NOTCH1: variants seen among roughly 807,000 people sequenced by gnomAD.
NOTCH1 encodes notch receptor 1, also known as neurogenic locus notch homolog protein 1.
NOTCH1 carries 37 observed loss-of-function variants against 254.8 expected under a neutral mutation model. The observed-to-expected ratio is 0.15, with a 90% confidence interval of 0.11 to 0.19. The LOEUF (loss-of-function observed/expected upper bound fraction) is 0.19, where lower values mean the gene tolerates loss of function less well. Ranked by LOEUF, NOTCH1 falls within the 10% of genes least tolerant of loss-of-function variation. NOTCH1 has a pLI of 1.00. For missense variants in NOTCH1, 2,972 were observed against 3,708.6 expected, an observed-to-expected ratio of 0.80 and a Z score of 5.16; for synonymous variants, 1,731 against 1,618.1, an observed-to-expected ratio of 1.07 and a Z score of -1.68.
chr9:136,495,446 A>C lies in NOTCH1; in HGVS notation c.*625T>G. 1 of 399,062 alleles carries C rather than the reference A, an allele frequency of 2.5e-6. No individual in the cohort carries two copies. Among genetic ancestry groups the C allele is most frequent in the Non-Finnish European group, 4.4e-6 (1 of 226,266 alleles). The allele number at this position is 399,062 out of a possible 1,614,324, so 24.7% of individuals were successfully genotyped here. A position where few individuals can be genotyped will look rare whatever the true frequency, so the allele number is the denominator to read the frequency against. ...CAAGAAACCATCTAAAACACATGGC[A>C]ACATCTAACCCATATGCTTTCACTT... On this transcript the variant is annotated 3_prime_UTR_variant, in exon 34 of 34. Transcript: ENST00000651671.
Position 136,513,505 on chromosome 9 carries a change from C to G in NOTCH1, c.2240G>C (p.Gly747Ala), listed in dbSNP as rs1780939132. ...ATTGTTGTTGATGTCACAGTTGGTCCCACTCCACCCAGGGTCACAGTCGCA... is the reference window on the plus strand; with the variant it reads ...ATTGTTGTTGATGTCACAGTTGGTCGCACTCCACCCAGGGTCACAGTCGCA... ...YKCDCDPGWSGTNCDINNNEC... is the reference protein window; with the variant it reads ...YKCDCDPGWSATNCDINNNEC... Residue 747 changes from glycine to alanine, a missense_variant, in exon 14 of 34, where the codon GGG becomes GCG. By Grantham distance (60) the Gly-to-Ala change is moderately conservative. Transcript: ENST00000651671. This position sits in a 1 kb window ranked among gnomAD's most constrained non-coding sequence, Gnocchi z 4.7. 1.2e-6 allele frequency: 2 copies of G among 1,613,026 alleles called. No homozygotes were observed. Among genetic ancestry groups the G allele is most frequent in the African/African-American group, 1.3e-5 (1 of 74,932 alleles).
At chr9:136,514,734 C>T (rs2133361449) in intron 12 of NOTCH1, 32 bp from the exon 13 acceptor site, 1 of 1,603,610 alleles carries the variant, frequency 6.2e-7, no homozygotes, top group Non-Finnish European at 8.5e-7. Context: ...CTCCGAGGCC[C>T]AGCGCCCAGG....
rs1436539393 is a variant in NOTCH1 at position 136,496,991 on chromosome 9, C to A, written c.6748G>T (p.Ala2250Ser). ...THLGIGHLNV[A>S]AKPEMAALGG... is the part of the protein sequence containing the mutation. ...AGCGCCGCCATCTCGGGCTTGGCCG[C>A]CACGTTCAGGTGCCCGATGCCCAGG... is the stretch of plus-strand genomic sequence containing the variant. Residue 2250 changes from alanine to serine, a missense_variant, in exon 34 of 34, where the codon GCG (alanine) becomes TCG (serine). Coordinates refer to ENST00000651671, the MANE Select transcript of NOTCH1 (RefSeq NM_017617.5). 1 of 1,610,396 alleles carries A rather than the reference C, an allele frequency of 6.2e-7. No individual in the cohort carries two copies. Among genetic ancestry groups the A allele is most frequent in the Non-Finnish European group, 8.5e-7 (1 of 1,179,102 alleles).
intron 4 of NOTCH1, among the ~76,000 whole-genome samples, chr9:136,522,021 A>G (rs1261281976): frequency 7.3e-6 from 1 of 136,602 alleles, no homozygotes; most frequent in East Asian, 2.1e-4. Flanking sequence ...TCTGTCGCCC[A>G]GGCTGGAGTG....
At chr9:136,517,707 G>T in intron 8 of NOTCH1, 45 bp downstream of exon 8, 1 of 1,609,102 alleles carries the variant, frequency 6.2e-7, no homozygotes, top group Non-Finnish European at 8.5e-7. Context: ...CTCCAAGGCT[G>T]CCCAGCCTCG....
At chr9:136,541,215 G>A (rs1241046092) in intron 2 of NOTCH1, among the ~76,000 whole-genome samples, 1 of 152,136 alleles carries the variant, frequency 6.6e-6, no homozygotes, top group African/African-American at 2.4e-5. Context: ...TGGCTGACCA[G>A]GCCACGGCGA....
Position 136,508,038 on chromosome 9 carries a change from C to T in NOTCH1, c.3427G>A (p.Glu1143Lys), listed in dbSNP as rs766052961. The change falls in exon 21 of 34, where the codon GAG (glutamate) becomes AAG (lysine). Residue 1143 changes from glutamate (E) to lysine (K), a missense_variant. Coordinates refer to ENST00000651671, the MANE Select transcript of NOTCH1 (RefSeq NM_017617.5). ...CQAGYTGSYC[E>K]DLVDECSPSP... ...GGTGAGCACTCGTCCACCAGGTCCT[C>T]ACAGTAGCTGCCTGTGTAGCCCGCC... is the stretch of plus-strand genomic sequence containing the variant. 6.2e-7 allele frequency: 1 copy of T among 1,612,284 alleles called. No individual in the cohort carries two copies. Among genetic ancestry groups the T allele is most frequent in the South Asian group, 1.1e-5 (1 of 91,088 alleles).
intron 2 of NOTCH1, among the ~76,000 whole-genome samples, chr9:136,526,562 G>A (rs1843463351): frequency 6.6e-6 from 1 of 152,216 alleles, no homozygotes; most frequent in Non-Finnish European, 1.5e-5. Flanking sequence ...GGGGACCCCA[G>A]AGGGGAGACG....
chr9:136,543,496 C>G (rs1843763001), intron 2 of NOTCH1: 1 of 302,534 alleles, frequency 3.3e-6, no homozygotes. Context: ...ATCACGCACC[C>G]AGAGGAGGCA....
At position 136,540,885 on chromosome 9, in the gene NOTCH1, G is replaced by A. The variant is rs1843723451; in HGVS notation, c.140+3139C>T. Among the ~76,000 whole-genome samples, 1 of 152,164 alleles carries A rather than the reference G, an allele frequency of 6.6e-6. No homozygotes were observed. ...GCCCCCTGCCTCAACGCCCAGCCCA[G>A]ACGCAGGCAGCCCTGGGAGAGCGTT... is the stretch of plus-strand genomic sequence containing the variant. On this transcript the variant is annotated intron_variant, in intron 2 of 33. Transcript: ENST00000651671. The surrounding 1 kb of genome is among the most constrained non-coding windows in gnomAD (Gnocchi z 4.4).
Position 136,515,995 on chromosome 9 carries a change from C to T in NOTCH1, c.1655G>A (p.Cys552Tyr), listed in dbSNP as rs2133365081. 1 of 1,611,166 alleles carries T rather than the reference C, an allele frequency of 6.2e-7. No homozygotes were observed. The highest frequency in any genetic ancestry group is 8.5e-7 in the Non-Finnish European group (1 of 1,179,494). The change falls in exon 10 of 34, where the codon TGT (cysteine) becomes TAT (tyrosine). Residue 552 changes from cysteine to tyrosine, a missense_variant. Cys to Tyr is a radical substitution (Grantham distance 194). Around this residue, in one of 8 missense-constraint regions of NOTCH1, gnomAD observed 128 missense variants for 193.8 expected, o/e 0.66. Coordinates refer to ENST00000651671, the MANE Select transcript of NOTCH1 (RefSeq NM_017617.5). ...KCLDGPNTYT[C>Y]VCTEGYTGTH... ...CCAGCCCGCACCTTCCGTGCACACA[C>T]AGGTGTAAGTGTTGGGTCCGTCCAG...
chr9:136,501,643 A>G, intron 30 of NOTCH1, 105 bp downstream of exon 30: 1 of 1,392,290 alleles, frequency 7.2e-7, no homozygotes, highest in Non-Finnish European at 9.9e-7. Flanking sequence ...TCTCACCCCC[A>G]ATTCTAAGTT....
intron 2 of NOTCH1, among the ~76,000 whole-genome samples, chr9:136,528,222 C>T (rs1294180902): frequency 7.2e-6 from 1 of 138,048 alleles, no homozygotes; most frequent in Non-Finnish European, 1.6e-5. Context: ...AGGCAGAGGC[C>T]GAGCAGAGGG....
At chr9:136,499,429 AGGGGCCCGG>A (rs1313977367) in intron 31 of NOTCH1, among the ~76,000 whole-genome samples, 170 bp from the exon 32 acceptor site, 1 of 152,280 alleles carries the variant, frequency 6.6e-6, no homozygotes, top group East Asian at 1.9e-4. Context: ...GCCCCTGAGG[AGGGGCCCGG>A]ATGGGGGCAG....
At chr9:136,503,002 G>A in intron 27 of NOTCH1, 180 bp downstream of exon 27, 1 of 889,338 alleles carries the variant, frequency 1.1e-6, no homozygotes, top group Non-Finnish European at 1.8e-6. Context: ...CGGCAGCTGT[G>A]ACCGCCGCAG....
intron 2 of NOTCH1, among the ~76,000 whole-genome samples, chr9:136,535,032 G>A (rs1458421821): frequency 7.6e-4 from 86 of 112,790 alleles, no homozygotes; most frequent in Admixed American, 1.8e-3. Flanking sequence ...CCCCGAGTCC[G>A]TCCCCACAGG....
chr9:136,534,739 G>T (rs534193655), intron 2 of NOTCH1, among the ~76,000 whole-genome samples: 1 of 152,086 alleles, frequency 6.6e-6, no homozygotes, highest in African/African-American at 2.4e-5. Context: ...ACCCCGATGG[G>T]GCCGCTGTGT....
intron 21 of NOTCH1, among the ~76,000 whole-genome samples, 159 bp downstream of exon 21, chr9:136,507,796 G>A (rs541787946): frequency 1.3e-5 from 2 of 152,312 alleles, no homozygotes; most frequent in African/African-American, 4.8e-5. Flanking sequence ...ACCTCTTCCA[G>A]GCAGTCTACC....
rs1269127999 is a variant in NOTCH1, at chr9:136,545,129, G to C, written c.61+597C>G. 6.6e-6 allele frequency among the ~76,000 whole-genome samples: 1 copy of C among 151,986 alleles called. No homozygotes were observed. The highest frequency in any genetic ancestry group is 1.5e-5 in the Non-Finnish European group (1 of 67,954). ...GCAAAAGGAAAGTTCAGTCCCCCCG[G>C]GCGCGGCGGCTTCTTACGCAACCCC... On this transcript the variant is annotated intron_variant, in intron 1 of 33. Coordinates refer to ENST00000651671, the MANE Select transcript of NOTCH1 (RefSeq NM_017617.5). The surrounding 1 kb of genome is among the most constrained non-coding windows in gnomAD (Gnocchi z 6.8).
Sources: allele counts gnomAD v4.1 joint callset (sites outside exome capture counted in the v4.1 genomes callset), GRCh38; gene constraint gnomAD v4.1.1; regional missense constraint gnomAD v4.1.1; non-coding constraint Gnocchi (gnomAD v3.1); transcripts MANE v1.5; gene names NCBI Gene and HGNC (gene_info 2026-07-23, HGNC 2026-07-21).